Variants in ERMAP observed in about 807,000 individuals in gnomAD.
ERMAP encodes erythroblast membrane associated protein (Scianna blood group), also known as erythroid membrane-associated protein.
A neutral mutation model predicts 49.5 loss-of-function variants in ERMAP; 34 were observed. That is an observed-to-expected ratio of 0.69 (90% CI 0.52 to 0.91). ERMAP has a LOEUF of 0.91. Ranked by LOEUF, ERMAP falls within the 40% of genes least tolerant of loss-of-function variation. The probability of loss-of-function intolerance (pLI) is 0.00; values close to 1 mark genes in which losing one functional copy is unlikely to be tolerated. For missense variants in ERMAP, 541 were observed against 582.6 expected (o/e 0.93, Z 0.74); for synonymous variants, 214 against 232.2 (o/e 0.92, Z 0.71).
At position 42,842,925 on chromosome 1, in the gene ERMAP, T is replaced by C; in HGVS notation, c.1121T>C (p.Val374Ala). The C allele has an allele frequency of 6.2e-7, 1 of 1,614,216 alleles. No homozygotes were observed. The highest frequency in any genetic ancestry group is 8.5e-7 in the Non-Finnish European group (1 of 1,180,044). ...YEAGVISFYN[V>A]TNKSHIFTFT... is the part of the protein sequence containing the mutation. ...GCAGGAGTCATCTCTTTCTACAATG[T>C]GACCAACAAGTCCCACATCTTTACT... Residue 374 changes from valine (V) to alanine (A), a missense_variant, in exon 12 of 12, where the codon GTG becomes GCG. By Grantham distance (64) the Val-to-Ala change is moderately conservative (BLOSUM62 0). Coordinates refer to ENST00000372517, the MANE Select transcript of ERMAP (RefSeq NM_001017922.2).
At chr1:42,836,974 G>A in intron 6 of ERMAP, 184 bp from the exon 7 acceptor site, 2 of 598,352 alleles carry the variant, frequency 3.3e-6, no homozygotes, top group East Asian at 2.8e-5. Context: ...GATTAAGACA[G>A]GATGTGGGAG....
intron 1 of ERMAP, among the ~76,000 whole-genome samples, chr1:42,820,825 C>T (rs1426187062): frequency 1.3e-5 from 2 of 152,146 alleles, no homozygotes; most frequent in South Asian, 4.1e-4. Flanking sequence ...ATTTTGGTCT[C>T]TGGCTTTCAA....
At chr1:42,835,262 G>A in intron 5 of ERMAP, 108 bp downstream of exon 5, 1 of 710,604 alleles carries the variant, frequency 1.4e-6, no homozygotes, top group Non-Finnish European at 2.6e-6. Context: ...CCATAGGTTG[G>A]GGACACTGCA....
chr1:42,832,251 G>A (rs1011106585), intron 4 of ERMAP, among the ~76,000 whole-genome samples: 1 of 136,320 alleles, frequency 7.3e-6, no homozygotes, highest in African/African-American at 2.9e-5. Flanking sequence ...GAGTGCATTG[G>A]TGCAATCTTG....
At chr1:42,818,283 A>C (rs891814504) in intron 1 of ERMAP, among the ~76,000 whole-genome samples, 2 of 152,228 alleles carry the variant, frequency 1.3e-5, no homozygotes, top group African/African-American at 4.8e-5. Flanking sequence ...ACAATGCCCC[A>C]AAAAGACAAA....
chr1:42,830,288 A>G (rs755499389), intron 2 of ERMAP, 156 bp from the exon 3 acceptor site: 14 of 631,722 alleles, frequency 2.2e-5, no homozygotes, highest in Middle Eastern at 4.1e-4. Context: ...CGGTCACAGT[A>G]TCACAAGGAG....
chr1:42,817,302 C>A (rs1388664289), intron 1 of ERMAP, 49 bp downstream of exon 1: 2 of 1,192,790 alleles, frequency 1.7e-6, no homozygotes, highest in Non-Finnish European at 2.2e-6. Flanking sequence ...GCCTGCCCAC[C>A]GCCCCTCGTC....
intron 2 of ERMAP, among the ~76,000 whole-genome samples, chr1:42,826,286 C>T (rs1274731006): frequency 1.3e-5 from 2 of 151,670 alleles, no homozygotes; most frequent in Admixed American, 1.3e-4. Flanking sequence ...TGACAAAGTC[C>T]AAATAACCAG....
intron 2 of ERMAP, among the ~76,000 whole-genome samples, chr1:42,827,915 G>C (rs1388644012): frequency 6.6e-6 from 1 of 152,060 alleles, no homozygotes; most frequent in Non-Finnish European, 1.5e-5. Context: ...AAGTGTAAAA[G>C]AGAATAATAC....
rs974503482 is a variant in ERMAP, at chr1:42,842,971, C to T, written c.1167C>T (p.Gly389=). ...TTACTTTCACCCACAATTTCTCTGG[C>T]CCCCTTCGCCCTTTCTTTGAACCTT... ...HIFTFTHNFS[G]PLRPFFEPCL... The change falls in exon 12 of 12, where the codon GGC becomes GGT. Residue 389 remains glycine, a synonymous_variant. Transcript: ENST00000372517. The T allele has an allele frequency of 8.7e-6, 14 of 1,614,072 alleles. No homozygotes were observed. The highest frequency in any genetic ancestry group is 1.1e-5 in the Non-Finnish European group (13 of 1,180,042).
chr1:42,825,732 G>A lies in ERMAP; in HGVS notation c.-12G>A. 1 of 1,289,434 alleles carries A rather than the reference G, an allele frequency of 7.8e-7. No homozygotes were observed. 79.9% of individuals were successfully genotyped at this position (1,289,434 alleles called of 1,614,324 possible). A position where few individuals can be genotyped will look rare whatever the true frequency, so the allele number is the denominator to read the frequency against. Reference sequence around the variant, plus strand: ...GAGAGGAACAAGCGTCCCTGATCCAGAAGGTGGTGAGTCCTCCTCTCTCTC... The same window carrying A: ...GAGAGGAACAAGCGTCCCTGATCCAAAAGGTGGTGAGTCCTCCTCTCTCTC... On this transcript the variant is annotated 5_prime_UTR_variant, in exon 2 of 12. Coordinates refer to ENST00000372517, the MANE Select transcript of ERMAP (RefSeq NM_001017922.2).
intron 2 of ERMAP, 169 bp from the exon 3 acceptor site, chr1:42,830,275 G>T: frequency 3.3e-6 from 2 of 610,118 alleles, no homozygotes. Context: ...TCTCAGAGAA[G>T]TTCGGTCACA....
At position 42,819,451 on chromosome 1, in the gene ERMAP, C is replaced by T. The variant is rs929943667; in HGVS notation, c.-122+2198C>T. Among the ~76,000 whole-genome samples the T allele has an allele frequency of 6.6e-6, 1 of 152,086 alleles. No individual in the cohort carries two copies. Among genetic ancestry groups the T allele is most frequent in the Non-Finnish European group, 1.5e-5 (1 of 68,022 alleles). On this transcript the variant is annotated intron_variant, in intron 1 of 11. Coordinates refer to ENST00000372517, the MANE Select transcript of ERMAP (RefSeq NM_001017922.2). This position sits in a 1 kb window ranked among gnomAD's most constrained non-coding sequence, Gnocchi z 5.1. The stretch of plus-strand genomic sequence containing the variant: ...TTCTTTCCATGAGTTTATGCTTTGT[C>T]TGTCTCTTTTGTGTCTACCAGTGGA...
rs746860461 is a variant in ERMAP, at chr1:42,830,970, G to C, written c.288G>C (p.Gly96=). 2 of 1,614,252 alleles carry C rather than the reference G, an allele frequency of 1.2e-6. No individual in the cohort carries two copies. Among genetic ancestry groups the C allele is most frequent in the Admixed American group, 3.3e-5 (2 of 60,032 alleles). The change falls in exon 4 of 12, where the codon GGG becomes GGC. Residue 96 remains glycine (G), a synonymous_variant. Coordinates refer to ENST00000372517, the MANE Select transcript of ERMAP (RefSeq NM_001017922.2). ...AAGATCTGATGCCGGAATATAAGGG[G>C]AGGACGGTGCTAGTGAGAGATGCCC... The part of the protein sequence containing the change: ...QDEDLMPEYK[G]RTVLVRDAQE...
rs910159332 is a variant in ERMAP, at chr1:42,825,553, G to A, written c.-121-70G>A. ...ACAGGGACAGCGAGAAGGGAGTTCTGTGGGGGCAGAGAGAGCCCTGGCCTC... is the reference window on the plus strand; with the variant it reads ...ACAGGGACAGCGAGAAGGGAGTTCTATGGGGGCAGAGAGAGCCCTGGCCTC... On this transcript the variant is annotated intron_variant, in intron 1 of 11. Coordinates refer to ENST00000372517, the MANE Select transcript of ERMAP (RefSeq NM_001017922.2). 4.9e-6 allele frequency: 6 copies of A among 1,223,528 alleles called. No homozygotes were observed. The African/African-American group carries it at 7.9e-5, about 16-fold the overall frequency. 75.8% of individuals were successfully genotyped at this position (1,223,528 alleles called of 1,614,324 possible). A position where few individuals can be genotyped will look rare whatever the true frequency, so the allele number is the denominator to read the frequency against.
intron 4 of ERMAP, among the ~76,000 whole-genome samples, chr1:42,834,029 A>G (rs1043960648): frequency 1.3e-5 from 2 of 152,226 alleles, no homozygotes; most frequent in African/African-American, 4.8e-5. Flanking sequence ...AAATCTCTCC[A>G]AACCTCAAAG....
chr1:42,834,992 T>C (rs4660672), intron 4 of ERMAP, 46 bp from the exon 5 acceptor site: 558,108 of 817,652 alleles, frequency 0.68, 194,062 homozygotes, highest in Non-Finnish European at 0.73. Flanking sequence ...TGCCAGAAGC[T>C]CTTAGACATC....
At chr1:42,840,444 A>C in intron 11 of ERMAP, 148 bp downstream of exon 11, 1 of 926,338 alleles carries the variant, frequency 1.1e-6, no homozygotes, top group Non-Finnish European at 1.6e-6. Context: ...AAATTAAAAA[A>C]ATCTTTGTGA....
chr1:42,824,241 C>G (rs575127438), intron 1 of ERMAP, among the ~76,000 whole-genome samples: 1 of 151,456 alleles, frequency 6.6e-6, no homozygotes, highest in East Asian at 1.9e-4. Context: ...CCAGCTACTC[C>G]GGAGGCTGAG....
Sources: allele counts gnomAD v4.1 joint callset (sites outside exome capture counted in the v4.1 genomes callset), GRCh38; gene constraint gnomAD v4.1.1; non-coding constraint Gnocchi (gnomAD v3.1); transcripts MANE v1.5; gene names NCBI Gene and HGNC (gene_info 2026-07-23, HGNC 2026-07-21).